LMNA: variants seen among roughly 807,000 people sequenced by gnomAD.
The protein encoded by LMNA is lamin.
LMNA carries 20 observed loss-of-function variants against 70.4 expected under a neutral mutation model. That is an observed-to-expected ratio of 0.28 (90% CI 0.20 to 0.41). LMNA has a LOEUF of 0.41. Among genes scored for constraint, LMNA ranks in the 10% least tolerant of loss-of-function variants. The probability of loss-of-function intolerance (pLI) is 1.00; values close to 1 mark genes in which losing one functional copy is unlikely to be tolerated. For missense variants in LMNA, 652 were observed against 917.2 expected, an observed-to-expected ratio of 0.71 and a Z score of 3.73; for synonymous variants, 339 against 372.8, an observed-to-expected ratio of 0.91 and a Z score of 1.04.
At chr1:156,118,684 A>G (rs1449502893) in intron 1 of LMNA, among the ~76,000 whole-genome samples, 1 of 152,162 alleles carries the variant, frequency 6.6e-6, no homozygotes, top group Non-Finnish European at 1.5e-5. Context: ...AGAAGTGGGT[A>G]GAGTAAAGAA....
At chr1:156,109,189 A>T (rs1649451164) in intron 3 of LMNA, among the ~76,000 whole-genome samples, 1 of 152,190 alleles carries the variant, frequency 6.6e-6, no homozygotes, top group Non-Finnish European at 1.5e-5. Flanking sequence ...TCCCTACACG[A>T]ATGGTTCTTA....
At chr1:156,100,708 T>C (rs967780372) in intron 3 of LMNA, among the ~76,000 whole-genome samples, 1 of 151,662 alleles carries the variant, frequency 6.6e-6, no homozygotes, top group African/African-American at 2.4e-5. Context: ...CACATCGAGG[T>C]TGCTGGTTGG....
In LMNA at chr1:156,134,742, G is replaced by T; in HGVS notation, c.640-63G>T. ...GCTGGGCAGGGAGCCCCGCCCCTGG[G>T]TCTTGGCCTCCCAGGAACTAATTCT... On this transcript the variant is annotated intron_variant, in intron 3 of 11. Transcript: ENST00000368300. This position sits in a 1 kb window ranked among gnomAD's most constrained non-coding sequence, Gnocchi z 5.3. The T allele has an allele frequency of 2.5e-6, 4 of 1,609,934 alleles. No homozygotes were observed. Among genetic ancestry groups the T allele is most frequent in the Non-Finnish European group, 3.4e-6 (4 of 1,176,734 alleles).
At position 156,135,747 on chromosome 1, in the gene LMNA, T is replaced by C. The variant is rs1471609824; in HGVS notation, c.937-154T>C. On this transcript the variant is annotated intron_variant, in intron 5 of 11. Transcript: ENST00000368300. The surrounding 1 kb of genome is among the most constrained non-coding windows in gnomAD (Gnocchi z 4.8). ...CAGCCAAGACTATGTTTAGAGCTTG[T>C]GATGTTCAGAGCTGGCTCTGATGAG... 1.1e-5 allele frequency: 7 copies of C among 663,520 alleles called. No individual in the cohort carries two copies. The African/African-American group carries it at 1.1e-4, about 10-fold the overall frequency. The allele number at this position is 663,520 out of a possible 1,614,324, so 41.1% of individuals were successfully genotyped here.
In LMNA at chr1:156,138,749, C is replaced by T. The variant is rs267607544; in HGVS notation, c.1960C>T (p.Arg654Ter). ...CTACCTCCTGGGCAACTCCAGCCCC[C>T]GAACCCAGGTGAGTTGTCTCTGCTT... ...RSYLLGNSSP[R>*]TQSPQNCSIM Residue 654 changes from arginine (R) to a stop codon, truncating the protein, a stop_gained, in exon 11 of 12, where the codon CGA (arginine) becomes TGA (stop). Coordinates refer to ENST00000368300, the MANE Select transcript of LMNA (RefSeq NM_170707.4). LOFTEE classifies it high-confidence loss of function. This position sits in a 1 kb window ranked among gnomAD's most constrained non-coding sequence, Gnocchi z 5.5. 2.2e-5 allele frequency: 36 copies of T among 1,613,424 alleles called. No individual in the cohort carries two copies. Among genetic ancestry groups the T allele is most frequent in the Non-Finnish European group, 2.9e-5 (34 of 1,180,000 alleles).
chr1:156,100,070 C>T (rs1649090326), intron 3 of LMNA, among the ~76,000 whole-genome samples: 1 of 152,024 alleles, frequency 6.6e-6, no homozygotes, highest in African/African-American at 2.4e-5. Flanking sequence ...TGTCACATAC[C>T]ACTCAGGACC....
At position 156,139,578 on chromosome 1, in the gene LMNA, C is replaced by T; in HGVS notation, c.*472C>T. 7.1e-7 allele frequency: 1 copy of T among 1,400,190 alleles called. No homozygotes were observed. The highest frequency in any genetic ancestry group is 1.5e-5 in the South Asian group (1 of 66,210). The allele number at this position is 1,400,190 out of a possible 1,614,324, so 86.7% of individuals were successfully genotyped here. On this transcript the variant is annotated 3_prime_UTR_variant, in exon 12 of 12. Coordinates refer to ENST00000368300, the MANE Select transcript of LMNA (RefSeq NM_170707.4). Reference sequence around the variant, plus strand: ...GACGGCAGGCTCACTGCCAGGCCAGCCTCCGAGAGGGAGAGAGAGAGAGAG... The same window carrying T: ...GACGGCAGGCTCACTGCCAGGCCAGTCTCCGAGAGGGAGAGAGAGAGAGAG...
Position 156,116,811 on chromosome 1 carries a change from G to C in LMNA, c.356+1537G>C, listed in dbSNP as rs531503072. Among the ~76,000 whole-genome samples the C allele has an allele frequency of 4.6e-5, 7 of 152,208 alleles. No individual in the cohort carries two copies. In the South Asian group the frequency reaches 1.5e-3, roughly 32 times the overall value. ...ACTCCCAACCTCAGGTGATCCACCC[G>C]CCTCAGCCTCCCAAAGTGCTAGGAT... On this transcript the variant is annotated intron_variant, in intron 1 of 11. Coordinates refer to ENST00000368300, the MANE Select transcript of LMNA (RefSeq NM_170707.4).
In LMNA at chr1:156,103,756, C is replaced by T. The variant is rs1304209188; in HGVS notation, c.-206-10957C>T. ...AACAACAGCCCACATCACAGGGCCACATCTGGCTCCATTTGAACATACCCC... is the reference window on the plus strand; with the variant it reads ...AACAACAGCCCACATCACAGGGCCATATCTGGCTCCATTTGAACATACCCC... On this transcript the variant is annotated intron_variant, in intron 3 of 12. Coordinates refer to the LMNA transcript ENST00000368301. The surrounding 1 kb of genome is among the most constrained non-coding windows in gnomAD (Gnocchi z 4.7). Among the ~76,000 whole-genome samples, 4 of 152,194 alleles carry T rather than the reference C, an allele frequency of 2.6e-5. No homozygotes were observed. The highest frequency in any genetic ancestry group is 4.4e-5 in the Non-Finnish European group (3 of 68,034).
chr1:156,096,621 A>G (rs185745458), intron 3 of LMNA, among the ~76,000 whole-genome samples: 221 of 152,366 alleles, frequency 1.5e-3, no homozygotes, highest in African/African-American at 4.8e-3. Context: ...CATGAAGATG[A>G]AAGCTGTCTT....
In LMNA at chr1:156,139,582, C is replaced by T. The variant is rs1038374019; in HGVS notation, c.*476C>T. ...GCAGGCTCACTGCCAGGCCAGCCTCCGAGAGGGAGAGAGAGAGAGAGAGGA... is the reference window on the plus strand; with the variant it reads ...GCAGGCTCACTGCCAGGCCAGCCTCTGAGAGGGAGAGAGAGAGAGAGAGGA... On this transcript the variant is annotated 3_prime_UTR_variant, in exon 12 of 12. Coordinates refer to ENST00000368300, the MANE Select transcript of LMNA (RefSeq NM_170707.4). 3.0e-5 allele frequency: 42 copies of T among 1,401,678 alleles called. No homozygotes were observed. The highest frequency in any genetic ancestry group is 4.5e-5 in the South Asian group (3 of 66,292). 86.8% of individuals were successfully genotyped at this position (1,401,678 alleles called of 1,614,324 possible).
At chr1:156,090,556 A>AGGTCACAG (rs1294167511) in exon 3 of LMNA, 1 of 152,206 alleles carries the variant, frequency 6.6e-6, no homozygotes, top group African/African-American at 2.4e-5. Context: ...CAGAGAGGCT[A>AGGTCACAG]AGTAACTTTC....
chr1:156,116,841 G>A (rs1649859429), intron 1 of LMNA, among the ~76,000 whole-genome samples: 1 of 152,132 alleles, frequency 6.6e-6, no homozygotes, highest in Non-Finnish European at 1.5e-5. Context: ...TAGGATTACA[G>A]GCATGAGCCA....
rs966050612 is a variant in LMNA, at chr1:156,136,290, G to C, written c.1234G>C (p.Gly412Arg). 5.0e-6 allele frequency: 8 copies of C among 1,611,876 alleles called. No individual in the cohort carries two copies. The East Asian group carries it at 8.9e-5, about 18-fold the overall frequency. The change falls in exon 7 of 12, where the codon GGG becomes CGG. Residue 412 changes from glycine to arginine, a missense_variant. Transcript: ENST00000368300. The surrounding 1 kb of genome is among the most constrained non-coding windows in gnomAD (Gnocchi z 6.1). ...ASSHSSQTQG[G>R]GSVTKKRKLE... is the part of the protein sequence containing the mutation. ...CTCTCACTCATCCCAGACACAGGGT[G>C]GGGGCAGCGTCACCAAAAAGCGCAA... is the stretch of plus-strand genomic sequence containing the variant.
chr1:156,102,081 C>T (rs111829350), intron 3 of LMNA, among the ~76,000 whole-genome samples: 1 of 152,218 alleles, frequency 6.6e-6, no homozygotes, highest in Non-Finnish European at 1.5e-5. Context: ...CCTCGCCTTC[C>T]CTAGTCTCTC....
chr1:156,138,275 C>G lies in LMNA; in HGVS notation c.1699-213C>G. ...GAGTCACTGCTCTGGTTCTCTGTCC[C>G]CAAGTCTTCCTGAGCCTTCTCCCCT... is the stretch of plus-strand genomic sequence containing the variant. On this transcript the variant is annotated intron_variant, in intron 10 of 11. Coordinates refer to ENST00000368300, the MANE Select transcript of LMNA (RefSeq NM_170707.4). The surrounding 1 kb of genome is among the most constrained non-coding windows in gnomAD (Gnocchi z 5.5). The G allele has an allele frequency of 8.3e-6, 5 of 604,458 alleles. No homozygotes were observed. The highest frequency in any genetic ancestry group is 1.5e-5 in the Non-Finnish European group (5 of 340,904). 37.4% of individuals were successfully genotyped at this position (604,458 alleles called of 1,614,324 possible). A position where few individuals can be genotyped will look rare whatever the true frequency, so the allele number is the denominator to read the frequency against.
At chr1:156,113,882 G>A (rs376874041), upstream of LMNA, among the ~76,000 whole-genome samples, 31 of 152,304 alleles carry the variant, frequency 2.0e-4, no homozygotes, top group East Asian at 5.6e-3. Flanking sequence ...ACTGAAGGGG[G>A]AAGGAACCCA....
intron 2 of LMNA, among the ~76,000 whole-genome samples, chr1:156,087,811 C>T (rs1009093418): frequency 3.9e-5 from 6 of 152,142 alleles, no homozygotes; most frequent in Non-Finnish European, 7.4e-5. Context: ...CTTCAGCCTC[C>T]CAAAGTGCTG....
intron 2 of LMNA, among the ~76,000 whole-genome samples, chr1:156,133,369 G>C (rs908844936): frequency 1.3e-5 from 2 of 151,568 alleles, no homozygotes; most frequent in Non-Finnish European, 2.9e-5. Flanking sequence ...TCAGGAGATC[G>C]AGACTATCCT....
Sources: gnomAD v4.1 joint callset for allele counts (sites outside exome capture counted in the v4.1 genomes callset) on GRCh38, gnomAD v4.1.1 for gene constraint, Gnocchi (gnomAD v3.1) non-coding constraint, MANE v1.5 for transcripts, NCBI Gene and HGNC (gene_info 2026-07-23, HGNC 2026-07-21) for gene names.